The following SH3GL3 variants were observed in gnomAD, a reference collection of about 807,000 sequenced individuals.
The protein encoded by SH3GL3 is SH3 domain containing GRB2 like 3, endophilin A3.
In SH3GL3, 33 loss-of-function variants were observed where a neutral mutation model predicts 47.7. The ratio of observed to expected loss-of-function variants is 0.69; its 90% CI spans 0.52 to 0.92. The LOEUF is 0.92. SH3GL3 is among the 40% of genes least tolerant of loss of function. The pLI, the probability that SH3GL3 is intolerant of heterozygous loss-of-function variation, is 0.00. For missense variants in SH3GL3, 363 were observed against 417.8 expected (o/e 0.87, Z 1.14); for synonymous variants, 155 against 148.8 (o/e 1.04, Z -0.30).
At chr15:83,513,877 A>T (rs1021651872) in intron 1 of SH3GL3, among the ~76,000 whole-genome samples, 3 of 152,234 alleles carry the variant, frequency 2.0e-5, no homozygotes, top group African/African-American at 7.2e-5. Flanking sequence ...TGGGATATAC[A>T]CAAATTGCAG....
At chr15:83,479,680 AG>A (rs2041257165) in intron 1 of SH3GL3, among the ~76,000 whole-genome samples, 4 of 152,140 alleles carry the variant, frequency 2.6e-5, no homozygotes, top group Non-Finnish European at 4.4e-5. Flanking sequence ...GGGGGTAAAA[AG>A]GCCTCCAGAC....
chr15:83,609,928 G>C (rs904874700), intron 8 of SH3GL3, among the ~76,000 whole-genome samples: 1 of 152,236 alleles, frequency 6.6e-6, no homozygotes, highest in Non-Finnish European at 1.5e-5. Flanking sequence ...CTCTACTCTG[G>C]TGTCTAATCC....
intron 6 of SH3GL3, among the ~76,000 whole-genome samples, chr15:83,578,914 G>A (rs2059758085): frequency 6.6e-6 from 1 of 152,126 alleles, no homozygotes; most frequent in Non-Finnish European, 1.5e-5. Context: ...CTTAAACTCT[G>A]AGATTGTGTC....
intron 1 of SH3GL3, among the ~76,000 whole-genome samples, chr15:83,473,497 G>A (rs1034952421): frequency 6.6e-6 from 1 of 151,554 alleles, no homozygotes; most frequent in Non-Finnish European, 1.5e-5. Context: ...CTTGGCTAGA[G>A]AGAGCAGACA....
intron 8 of SH3GL3, among the ~76,000 whole-genome samples, chr15:83,613,210 G>A (rs1428529684): frequency 6.6e-6 from 1 of 152,246 alleles, no homozygotes; most frequent in Non-Finnish European, 1.5e-5. Context: ...TCTTAGTGTT[G>A]TAGCCAGCCC....
At chr15:83,542,780 T>G (rs1411908312) in intron 1 of SH3GL3, among the ~76,000 whole-genome samples, 1 of 152,174 alleles carries the variant, frequency 6.6e-6, no homozygotes, top group Non-Finnish European at 1.5e-5. Flanking sequence ...TTTGTGGACA[T>G]ATAGACATTC....
chr15:83,459,027 G>A (rs1192228073), intron 1 of SH3GL3, among the ~76,000 whole-genome samples: 1 of 152,224 alleles, frequency 6.6e-6, no homozygotes, highest in Non-Finnish European at 1.5e-5. Context: ...GCAGCCTTCA[G>A]TCTGGGCCGA....
At chr15:83,572,241 A>C (rs1416736907) in intron 4 of SH3GL3, among the ~76,000 whole-genome samples, 1 of 152,146 alleles carries the variant, frequency 6.6e-6, no homozygotes, top group Non-Finnish European at 1.5e-5. Context: ...CTTCTAAGGA[A>C]CCCTCCGTGC....
At chr15:83,482,165 T>G (rs2041386515) in intron 1 of SH3GL3, among the ~76,000 whole-genome samples, 1 of 152,226 alleles carries the variant, frequency 6.6e-6, no homozygotes, top group Non-Finnish European at 1.5e-5. Context: ...TTTTGTGAAT[T>G]GCCTTTTGAT....
intron 2 of SH3GL3, among the ~76,000 whole-genome samples, chr15:83,564,011 A>ATTT (rs1288933499): frequency 6.6e-6 from 1 of 151,978 alleles, no homozygotes; most frequent in Non-Finnish European, 1.5e-5. Context: ...CACATACTCT[A>ATTT]TGTCTTTTCA....
At chr15:83,451,050 G>T (rs1445249628) in intron 1 of SH3GL3, among the ~76,000 whole-genome samples, 1 of 117,938 alleles carries the variant, frequency 8.5e-6, no homozygotes, top group African/African-American at 3.2e-5. Flanking sequence ...GTGAGAATAT[G>T]CGGTGTTTGG....
chr15:83,516,916 T>A (rs1004506298), intron 1 of SH3GL3, among the ~76,000 whole-genome samples: 1 of 152,132 alleles, frequency 6.6e-6, no homozygotes, highest in Non-Finnish European at 1.5e-5. Context: ...TTTTTTTTTT[T>A]AAAGATACAT....
chr15:83,487,026 A>G (rs1231796967), intron 1 of SH3GL3, among the ~76,000 whole-genome samples: 1 of 152,158 alleles, frequency 6.6e-6, no homozygotes, highest in Admixed American at 6.5e-5. Flanking sequence ...ATACAACCAC[A>G]TTAGGAGTTA....
the SH3GL3 span, among the ~76,000 whole-genome samples, chr15:83,628,514 A>T: frequency 6.6e-6 from 1 of 152,162 alleles, no homozygotes. Flanking sequence ...AGGCCAACGT[A>T]GGTGGATCAC....
At chr15:83,465,727 T>C (rs2040540832) in intron 1 of SH3GL3, among the ~76,000 whole-genome samples, 1 of 152,230 alleles carries the variant, frequency 6.6e-6, no homozygotes, top group African/African-American at 2.4e-5. Context: ...GGATTATTTT[T>C]TCCTATCACA....
chr15:83,477,977 A>G (rs1465010140), intron 1 of SH3GL3, among the ~76,000 whole-genome samples: 1 of 152,162 alleles, frequency 6.6e-6, no homozygotes, highest in Non-Finnish European at 1.5e-5. Flanking sequence ...TTTTATTTTG[A>G]TAGGGCCATG....
At chr15:83,625,947 C>G in the SH3GL3 span, among the ~76,000 whole-genome samples, 1 of 152,086 alleles carries the variant, frequency 6.6e-6, no homozygotes, top group Non-Finnish European at 1.5e-5. Flanking sequence ...ATTCTCCTGT[C>G]TCAGCCTCCC....
At chr15:83,624,699 G>T in the SH3GL3 span, among the ~76,000 whole-genome samples, 2 of 152,282 alleles carry the variant, frequency 1.3e-5, no homozygotes, top group East Asian at 3.9e-4. Context: ...TAAAATATCT[G>T]GGATGTTAAG....
chr15:83,456,513 G>T (rs1157715770), intron 1 of SH3GL3, among the ~76,000 whole-genome samples: 1 of 75,570 alleles, frequency 1.3e-5, no homozygotes, highest in African/African-American at 4.7e-5. Flanking sequence ...GTCTCGTGGT[G>T]CGCCGTTTCT....
Sources: allele counts gnomAD v4.1 joint callset (sites outside exome capture counted in the v4.1 genomes callset), GRCh38; gene constraint gnomAD v4.1.1; transcripts MANE v1.5; gene names NCBI Gene and HGNC (gene_info 2026-07-23, HGNC 2026-07-21).